The following RAB40B variants were observed in gnomAD, a reference collection of about 807,000 sequenced individuals.
The protein encoded by RAB40B is ras-related protein Rab-40B.
RAB40B carries 21 observed loss-of-function variants against 24.0 expected under a neutral mutation model. That is an observed-to-expected ratio of 0.88 (90% CI 0.62 to 1.26). The LOEUF (loss-of-function observed/expected upper bound fraction) is 1.26, where lower values mean the gene tolerates loss of function less well. RAB40B is among the 50% of genes most tolerant of loss of function. RAB40B has a pLI of 0.00. For missense variants in RAB40B, 348 were observed against 390.5 expected (o/e 0.89, Z 0.92); for synonymous variants, 167 against 169.8 (o/e 0.98, Z 0.13).
rs746640903 is a variant in RAB40B at position 82,657,925 on chromosome 17, G to A, written c.775C>T (p.Leu259Phe). ...HKRSSLRKVKLVRPPQSPPKN... is the reference protein window; with the variant it reads ...HKRSSLRKVKFVRPPQSPPKN... ...GGGGGGCTCTGGGGGGGGCGGACGA[G>A]CTTCACTTTGCGGAGGCTGCTCCTT... Residue 259 changes from leucine to phenylalanine, a missense_variant, in exon 6 of 6, where the codon CTC becomes TTC. Transcript: ENST00000571995. 8 of 1,613,982 alleles carry A rather than the reference G, an allele frequency of 5.0e-6. No individual in the cohort carries two copies. Among genetic ancestry groups the A allele is most frequent in the South Asian group, 1.1e-5 (1 of 91,074 alleles).
chr17:82,677,695 C>G (rs2046408621), intron 1 of RAB40B, among the ~76,000 whole-genome samples: 1 of 152,220 alleles, frequency 6.6e-6, no homozygotes, highest in African/African-American at 2.4e-5. Context: ...GGTTTCCAGG[C>G]ACAGGTGGCC....
intron 1 of RAB40B, among the ~76,000 whole-genome samples, chr17:82,690,897 T>G (rs139611729): frequency 4.0e-4 from 60 of 151,472 alleles, no homozygotes; most frequent in African/African-American, 1.4e-3. Flanking sequence ...CGGGGGAGCA[T>G]GGAGTGGGCA....
In RAB40B at chr17:82,697,321, T is replaced by C. The variant is rs970534409; in HGVS notation, c.142+1134A>G. On this transcript the variant is annotated intron_variant, in intron 1 of 5. Transcript: ENST00000571995. The surrounding 1 kb of genome is among the most constrained non-coding windows in gnomAD (Gnocchi z 4.9). The stretch of plus-strand genomic sequence containing the variant: ...CCCTTAGGGGACAGCCTGCACCCTC[T>C]ACCGAGCAGCCTCAGATCCCGCTTC... 9.9e-5 allele frequency among the ~76,000 whole-genome samples: 15 copies of C among 152,106 alleles called. No homozygotes were observed. The highest frequency in any genetic ancestry group is 2.0e-4 in the Admixed American group (3 of 15,282).
At chr17:82,661,402 A>G in intron 2 of RAB40B, 1 of 472,648 alleles carries the variant, frequency 2.1e-6, no homozygotes, top group Non-Finnish European at 2.8e-6. Flanking sequence ...CAGGGGAGAG[A>G]GGCCGGTGGG....
intron 1 of RAB40B, among the ~76,000 whole-genome samples, chr17:82,688,222 A>G (rs1285608319): frequency 1.3e-5 from 2 of 152,022 alleles, no homozygotes; most frequent in Non-Finnish European, 2.9e-5. Flanking sequence ...AGGTTTCCCT[A>G]TATTTCCTAG....
At chr17:82,687,042 AGGTCAAG>A (rs1021326129) in intron 1 of RAB40B, among the ~76,000 whole-genome samples, 6 of 152,112 alleles carry the variant, frequency 3.9e-5, no homozygotes, top group African/African-American at 1.4e-4. Context: ...GGGTGCTCAG[AGGTCAAG>A]GGCATGGAAG....
At position 82,656,275 on chromosome 17, in the gene RAB40B, A is replaced by C. The variant is rs983842963; in HGVS notation, c.*1588T>G. On this transcript the variant is annotated 3_prime_UTR_variant, in exon 6 of 6. Coordinates refer to ENST00000571995, the MANE Select transcript of RAB40B (RefSeq NM_006822.3). ...CCCTTAAGTTTCTAAGAATCTACAG[A>C]TCATCAGCAGGAACTAGGAACATCT... 1 of 152,028 alleles carries C rather than the reference A, an allele frequency of 6.6e-6. No individual in the cohort carries two copies. Among genetic ancestry groups the C allele is most frequent in the Non-Finnish European group, 1.5e-5 (1 of 68,012 alleles). The allele number at this position is 152,028 out of a possible 1,614,324, so 9.4% of individuals were successfully genotyped here.
At chr17:82,694,905 T>TA (rs2046593099) in intron 1 of RAB40B, among the ~76,000 whole-genome samples, 1 of 151,732 alleles carries the variant, frequency 6.6e-6, no homozygotes, top group Admixed American at 6.6e-5. Flanking sequence ...ACTCAGGAAA[T>TA]ACTCGAGTCC....
chr17:82,660,676 GCA>G (rs1274678900), intron 3 of RAB40B, among the ~76,000 whole-genome samples: 7 of 94,686 alleles, frequency 7.4e-5, no homozygotes, highest in Non-Finnish European at 1.6e-4. Flanking sequence ...GCACGTACCT[GCA>G]CACACATGTA....
intron 1 of RAB40B, among the ~76,000 whole-genome samples, chr17:82,690,412 A>G (rs71376520): frequency 0.03 from 3,154 of 106,634 alleles, 134 homozygotes; most frequent in African/African-American, 0.091. Context: ...ATGTGTTCTC[A>G]GGGAGCAGAG....
At chr17:82,664,473 G>A (rs752263317) in intron 2 of RAB40B, 23 bp downstream of exon 2, 17 of 1,609,600 alleles carry the variant, frequency 1.1e-5, no homozygotes, top group Middle Eastern at 1.9e-4. Context: ...GGTGCGGGAC[G>A]CTCGCACCTC....
At chr17:82,661,098 C>T (rs532903235) in intron 2 of RAB40B, 51 bp from the exon 3 acceptor site, 22 of 1,599,858 alleles carry the variant, frequency 1.4e-5, no homozygotes, top group Non-Finnish European at 1.9e-5. Flanking sequence ...TTCTTCCTGA[C>T]AACAGGTTCT....
chr17:82,693,519 A>T (rs7218760), intron 1 of RAB40B, among the ~76,000 whole-genome samples: 40,618 of 152,134 alleles, frequency 0.27, 6,471 homozygotes, highest in African/African-American at 0.45. Flanking sequence ...AAACCTGTGC[A>T]GACATTTGCG....
intron 1 of RAB40B, among the ~76,000 whole-genome samples, chr17:82,695,012 C>T (rs2046594186): frequency 6.6e-6 from 1 of 151,694 alleles, no homozygotes; most frequent in South Asian, 2.1e-4. Flanking sequence ...TGAGCACTGA[C>T]TGTATTTAAA....
intron 1 of RAB40B, among the ~76,000 whole-genome samples, chr17:82,690,610 C>A (rs1207146416): frequency 6.7e-6 from 1 of 148,500 alleles, no homozygotes; most frequent in Non-Finnish European, 1.5e-5. Flanking sequence ...AGGGGAAGAT[C>A]TGCAGAATTG....
chr17:82,657,948 C>G lies in RAB40B; in HGVS notation c.752G>C (p.Arg251Thr), dbSNP rs1232124351. 6.2e-7 allele frequency: 1 copy of G among 1,614,014 alleles called. No homozygotes were observed. Among genetic ancestry groups the G allele is most frequent in the Non-Finnish European group, 8.5e-7 (1 of 1,180,048 alleles). Reference protein sequence around the residue: ...YSLTTSSTHKRSSLRKVKLVR... With the variant: ...YSLTTSSTHKTSSLRKVKLVR... ...GAGCTTCACTTTGCGGAGGCTGCTC[C>G]TTTTGTGGGTGGAGCTGGTGGTGAG... Residue 251 changes from arginine (R) to threonine (T), a missense_variant, in exon 6 of 6, where the codon AGG becomes ACG. By Grantham distance (71) the Arg-to-Thr change is moderately conservative. Around this residue, in one of 3 missense-constraint regions of RAB40B, gnomAD observed 121 missense variants for 124.0 expected, o/e 0.98. Coordinates refer to ENST00000571995, the MANE Select transcript of RAB40B (RefSeq NM_006822.3).
chr17:82,663,469 C>A lies in RAB40B; in HGVS notation c.203+1027G>T, dbSNP rs965781023. ...GAGCTGGAACCGCAGGAGCTCCCCC[C>A]ATCCCAAGCCAAGAGCGGGTGGAGG... is the stretch of plus-strand genomic sequence containing the variant. On this transcript the variant is annotated intron_variant, in intron 2 of 5. Coordinates refer to ENST00000571995, the MANE Select transcript of RAB40B (RefSeq NM_006822.3). The surrounding 1 kb of genome is among the most constrained non-coding windows in gnomAD (Gnocchi z 6.2). 1.3e-5 allele frequency among the ~76,000 whole-genome samples: 2 copies of A among 152,128 alleles called. No homozygotes were observed. The highest frequency in any genetic ancestry group is 1.9e-4 in the East Asian group (1 of 5,186).
intron 3 of RAB40B, among the ~76,000 whole-genome samples, chr17:82,660,348 CGT>C (rs2046150824): frequency 2.0e-5 from 3 of 150,602 alleles, no homozygotes; most frequent in Admixed American, 6.6e-5. Context: ...CCTGCACGCA[CGT>C]GTACACACAC....
At chr17:82,662,542 G>A (rs2046187376) in intron 2 of RAB40B, 1 of 985,160 alleles carries the variant, frequency 1.0e-6, no homozygotes. Flanking sequence ...GGGCAGGTGG[G>A]GGCAGGCAGA....
Sources: allele counts gnomAD v4.1 joint callset (sites outside exome capture counted in the v4.1 genomes callset), GRCh38; gene constraint gnomAD v4.1.1; regional missense constraint gnomAD v4.1.1; non-coding constraint Gnocchi (gnomAD v3.1); transcripts MANE v1.5; gene names NCBI Gene and HGNC (gene_info 2026-07-23, HGNC 2026-07-21).